CCSER1: variants seen among roughly 807,000 people sequenced by gnomAD.
CCSER1 encodes the protein serine-rich coiled-coil domain-containing protein 1.
Under a neutral mutation model 82.0 loss-of-function variants are expected in CCSER1, and 41 were observed. That is an observed-to-expected ratio of 0.50 (90% CI 0.39 to 0.65). The LOEUF (loss-of-function observed/expected upper bound fraction) is 0.65, where lower values mean the gene tolerates loss of function less well. Ranked by LOEUF, CCSER1 falls within the 30% of genes least tolerant of loss-of-function variation. The pLI is 0.00. For synonymous variants in CCSER1, 414 were observed against 383.9 expected (o/e 1.08, Z -0.92); for missense variants, 1,119 against 1,064.2 (o/e 1.05, Z -0.72).
At chr4:90,476,987 C>T (rs866628849) in intron 5 of CCSER1, among the ~76,000 whole-genome samples, 2 of 152,222 alleles carry the variant, frequency 1.3e-5, no homozygotes, top group Middle Eastern at 3.4e-3. Context: ...ACAGATTTGT[C>T]AGATCACTGA....
chr4:90,551,702 C>CTATATATATATATA (rs1279660129), intron 5 of CCSER1, among the ~76,000 whole-genome samples: 2 of 113,972 alleles, frequency 1.8e-5, no homozygotes, highest in Admixed American at 8.9e-5. Context: ...CTCTCTCTCT[C>CTATATATATATATA]TCTCTATATA....
intron 10 of CCSER1, among the ~76,000 whole-genome samples, chr4:91,457,846 AAC>A (rs1756276284): frequency 6.6e-6 from 1 of 152,196 alleles, no homozygotes; most frequent in Non-Finnish European, 1.5e-5. Context: ...AAAGAATGGT[AAC>A]ACATTAATTC....
intron 10 of CCSER1, among the ~76,000 whole-genome samples, chr4:91,227,448 T>TTGTG (rs1382073578): frequency 6.6e-6 from 1 of 151,362 alleles, no homozygotes; most frequent in Non-Finnish European, 1.5e-5. Flanking sequence ...GTGTGTGTGT[T>TTGTG]TGTGTGTGTG....
intron 9 of CCSER1, among the ~76,000 whole-genome samples, chr4:90,957,644 ATATATAAT>A (rs1322987520): frequency 8.3e-6 from 1 of 120,114 alleles, no homozygotes; most frequent in Non-Finnish European, 1.7e-5. Flanking sequence ...ATAATATATA[ATATATAAT>A]TATATATATA....
intron 10 of CCSER1, among the ~76,000 whole-genome samples, chr4:91,195,353 G>A (rs1735322290): frequency 6.6e-6 from 1 of 152,192 alleles, no homozygotes; most frequent in Non-Finnish European, 1.5e-5. Flanking sequence ...TCTAATTTGT[G>A]TATAAGTCTA....
chr4:90,674,432 G>A lies in CCSER1; in HGVS notation c.1932+46200G>A, dbSNP rs536329359. Among the ~76,000 whole-genome samples, 42 of 151,820 alleles carry A rather than the reference G, an allele frequency of 2.8e-4. 1 individual carries two copies. Among genetic ancestry groups the A allele is most frequent in the Non-Finnish European group, 5.2e-4 (35 of 67,922 alleles). On this transcript the variant is annotated intron_variant, in intron 6 of 10. Coordinates refer to ENST00000509176, the MANE Select transcript of CCSER1 (RefSeq NM_001145065.2). ...TGTCAAGTCTGACACTGAGAGAAGC[G>A]ACAATACTTACAAAAAGCAGATGGA...
Position 91,154,752 on chromosome 4 carries a change from C to T in CCSER1, c.2217+68758C>T, listed in dbSNP as rs186126491. Among the ~76,000 whole-genome samples the T allele has an allele frequency of 8.4e-4, 127 of 152,054 alleles. 3 individuals carry two copies. The highest frequency in any genetic ancestry group is 1.4e-3 in the Non-Finnish European group (93 of 67,926). ...GATGAATACTGGATAATGATAAGAG[C>T]TTTACAGAAAATTAAAATTGGGTCA... is the stretch of plus-strand genomic sequence containing the variant. On this transcript the variant is annotated intron_variant, in intron 10 of 10. Coordinates refer to ENST00000509176, the MANE Select transcript of CCSER1 (RefSeq NM_001145065.2).
intron 6 of CCSER1, among the ~76,000 whole-genome samples, chr4:90,711,266 T>A (rs189722416): frequency 6.6e-6 from 1 of 152,294 alleles, no homozygotes; most frequent in Admixed American, 6.5e-5. Context: ...TAGTGTCATG[T>A]TATCTGTAAG....
chr4:90,376,669 A>G, intron 3 of CCSER1, among the ~76,000 whole-genome samples: 1 of 152,112 alleles, frequency 6.6e-6, no homozygotes, highest in East Asian at 1.9e-4. Context: ...TAAATGCTTT[A>G]TGGGATAAAT....
At chr4:90,818,275 T>C (rs1759288283) in intron 8 of CCSER1, among the ~76,000 whole-genome samples, 1 of 151,160 alleles carries the variant, frequency 6.6e-6, no homozygotes, top group African/African-American at 2.4e-5. Flanking sequence ...CTTTTCTTTT[T>C]TTTCTTTTTT....
intron 4 of CCSER1, among the ~76,000 whole-genome samples, chr4:90,407,106 A>T (rs1329909960): frequency 6.6e-6 from 1 of 152,220 alleles, no homozygotes; most frequent in Non-Finnish European, 1.5e-5. Flanking sequence ...TAAAATTGAT[A>T]GACCATTAGC....
intron 10 of CCSER1, among the ~76,000 whole-genome samples, chr4:91,108,922 C>T (rs1725861984): frequency 1.3e-5 from 2 of 152,014 alleles, no homozygotes; most frequent in Non-Finnish European, 2.9e-5. Context: ...GAAGATCTGC[C>T]CTCACCCAGT....
intron 8 of CCSER1, among the ~76,000 whole-genome samples, chr4:90,901,767 G>A (rs189685243): frequency 6.6e-6 from 1 of 151,894 alleles, no homozygotes; most frequent in East Asian, 1.9e-4. Flanking sequence ...TATGTGCTTT[G>A]GTGATGGTCA....
chr4:90,279,476 A>G (rs1008362711), intron 1 of CCSER1, among the ~76,000 whole-genome samples: 6 of 152,064 alleles, frequency 3.9e-5, no homozygotes, highest in African/African-American at 1.4e-4. Context: ...ACTTCTAGGA[A>G]GGTGCTGGAA....
chr4:91,363,357 TTGTGTGTGTGTGTG>T (rs201687094), intron 10 of CCSER1, among the ~76,000 whole-genome samples: 1 of 139,548 alleles, frequency 7.2e-6, no homozygotes, highest in Non-Finnish European at 1.5e-5. Context: ...TGGAGATATT[TTGTGTGTGTGTGTG>T]TGTGTGTGTG....
At chr4:91,174,791 G>A (rs1236132241) in intron 10 of CCSER1, among the ~76,000 whole-genome samples, 5 of 149,010 alleles carry the variant, frequency 3.4e-5, no homozygotes, top group African/African-American at 1.2e-4. Context: ...CTCCTCCTAG[G>A]CCCCATGCTA....
intron 1 of CCSER1, among the ~76,000 whole-genome samples, chr4:90,191,315 C>A (rs1353162599): frequency 6.6e-6 from 1 of 151,874 alleles, no homozygotes; most frequent in Non-Finnish European, 1.5e-5. Flanking sequence ...GGGTATAAAA[C>A]CTGGTGTGAA....
intron 9 of CCSER1, among the ~76,000 whole-genome samples, chr4:91,071,568 G>A (rs1368252733): frequency 1.3e-5 from 2 of 152,042 alleles, no homozygotes; most frequent in African/African-American, 2.4e-5. Flanking sequence ...ATAGAGAGAT[G>A]GGGACAGACA....
At chr4:91,247,013 T>A (rs1371823595) in intron 10 of CCSER1, among the ~76,000 whole-genome samples, 1 of 152,034 alleles carries the variant, frequency 6.6e-6, no homozygotes, top group Non-Finnish European at 1.5e-5. Context: ...TTAAAAATAC[T>A]GGAATTGGCC....
Sources: allele counts gnomAD v4.1 joint callset (sites outside exome capture counted in the v4.1 genomes callset), GRCh38; gene constraint gnomAD v4.1.1; transcripts MANE v1.5; gene names NCBI Gene and HGNC (gene_info 2026-07-23, HGNC 2026-07-21).